Variants in DNAJB5 observed in about 807,000 individuals in gnomAD.
DNAJB5 encodes dnaJ homolog subfamily B member 5.
DNAJB5 carries 12 observed loss-of-function variants against 32.6 expected under a neutral mutation model. The observed-to-expected ratio is 0.37, with a 90% CI of 0.24 to 0.60. The LOEUF is 0.60. Ranked by LOEUF, DNAJB5 falls within the 20% of genes least tolerant of loss-of-function variation. The pLI, the probability that DNAJB5 is intolerant of heterozygous loss-of-function variation, is 0.71. For synonymous variants in DNAJB5, 188 were observed against 212.9 expected (o/e 0.88, Z 1.02); for missense variants, 358 against 554.2 (o/e 0.65, Z 3.55).
Position 34,990,998 on chromosome 9 carries a change from C to T in DNAJB5, c.182+186C>T. The T allele has an allele frequency of 1.6e-6, 1 of 628,192 alleles. No homozygotes were observed. Among genetic ancestry groups the T allele is most frequent in the Non-Finnish European group, 2.7e-6 (1 of 364,332 alleles). The allele number at this position is 628,192 out of a possible 1,614,324, so 38.9% of individuals were successfully genotyped here. A position where few individuals can be genotyped will look rare whatever the true frequency, so the allele number is the denominator to read the frequency against. On this transcript the variant is annotated intron_variant, in intron 2 of 4. Transcript: ENST00000682809. This position sits in a 1 kb window ranked among gnomAD's most constrained non-coding sequence, Gnocchi z 4.5. ...ACCCCTTATCATTCCTTTTCTCAAA[C>T]CCTTCAGGTATCCATTTTCCACAGA...
At position 34,989,846 on chromosome 9, in the gene DNAJB5, C is replaced by G; in HGVS notation, c.-133+15C>G. 8.1e-7 allele frequency: 1 copy of G among 1,235,874 alleles called. No homozygotes were observed. Among genetic ancestry groups the G allele is most frequent in the South Asian group, 3.9e-5 (1 of 25,348 alleles). The allele number at this position is 1,235,874 out of a possible 1,614,324, so 76.6% of individuals were successfully genotyped here. A position where few individuals can be genotyped will look rare whatever the true frequency, so the allele number is the denominator to read the frequency against. ...GCTCCTCACCGGTGAGGGCGCCAAG[C>G]CAGGACTCGGGGGTCCCGGGAGCGG... is the stretch of plus-strand genomic sequence containing the variant. On this transcript the variant is annotated intron_variant, in intron 1 of 4. Transcript: ENST00000682809.
chr9:34,994,050 CA>C (rs1827728077), intron 3 of DNAJB5, among the ~76,000 whole-genome samples: 1 of 152,096 alleles, frequency 6.6e-6, no homozygotes, highest in Non-Finnish European at 1.5e-5. Context: ...GGGTGGGAGG[CA>C]GGAAAGGCCC....
Position 34,993,817 on chromosome 9 carries a change from T to C in DNAJB5, c.427+373T>C, listed in dbSNP as rs1827720685. 6.6e-6 allele frequency among the ~76,000 whole-genome samples: 1 copy of C among 152,156 alleles called. No homozygotes were observed. Among genetic ancestry groups the C allele is most frequent in the African/African-American group, 2.4e-5 (1 of 41,432 alleles). ...TGTGGCTCTCTGAGGACAGAGCATT[T>C]ACATTCATCAGCATAAAAGTCTGGC... On this transcript the variant is annotated intron_variant, in intron 3 of 4. Transcript: ENST00000682809. This position sits in a 1 kb window ranked among gnomAD's most constrained non-coding sequence, Gnocchi z 4.7.
chr9:34,991,619 C>G lies in DNAJB5; in HGVS notation c.182+807C>G, dbSNP rs561119716. ...TTGAGGCAGAAATGGCAGACCACCC[C>G]CCCCCGCTCCCTCTCAGACGGCTTT... On this transcript the variant is annotated intron_variant, in intron 2 of 4. Transcript: ENST00000682809. The G allele has an allele frequency of 3.0e-4, 63 of 213,228 alleles. 1 individual carries two copies. The highest frequency in any genetic ancestry group is 1.0e-3 in the South Asian group (32 of 30,898). 13.2% of individuals were successfully genotyped at this position (213,228 alleles called of 1,614,324 possible).
intron 3 of DNAJB5, among the ~76,000 whole-genome samples, chr9:34,994,274 C>T (rs1827733870): frequency 6.6e-6 from 1 of 152,194 alleles, no homozygotes; most frequent in African/African-American, 2.4e-5. Flanking sequence ...TTCACATTCT[C>T]CTCCTCTTCA....
rs1260883078 is a variant in DNAJB5 at position 34,990,784 on chromosome 9, T to TGGG, written c.156_157insGGG (p.Trp52_Thr53insGly). ...GCTGGAGCCCTTAAAACTTCGAGCG[T>TGGG]GGACGCTGAATGGGTTTGTAAAGTT... On this transcript the variant is annotated inframe_insertion, in exon 2 of 5. Transcript: ENST00000682809. This position sits in a 1 kb window ranked among gnomAD's most constrained non-coding sequence, Gnocchi z 4.5. 1.3e-6 allele frequency: 2 copies of TGGG among 1,551,614 alleles called. No individual in the cohort carries two copies. Among genetic ancestry groups the TGGG allele is most frequent in the Non-Finnish European group, 1.7e-6 (2 of 1,146,948 alleles).
Position 34,996,975 on chromosome 9 carries a change from C to T in DNAJB5, c.1030-51C>T, listed in dbSNP as rs750991189. ...CCCACCTCAGTCTATTTCCTTCCTT[C>T]CCACTCACCTTACCCCACCTTTTCC... On this transcript the variant is annotated intron_variant, in intron 4 of 4. Coordinates refer to ENST00000682809, the MANE Select transcript of DNAJB5 (RefSeq NM_001349723.3). The surrounding 1 kb of genome is among the most constrained non-coding windows in gnomAD (Gnocchi z 7.2). The T allele has an allele frequency of 6.2e-7, 1 of 1,602,468 alleles. No individual in the cohort carries two copies. Among genetic ancestry groups the T allele is most frequent in the East Asian group, 2.2e-5 (1 of 44,792 alleles).
In DNAJB5 at chr9:34,993,198, A is replaced by G; in HGVS notation, c.183-2A>G. ...CAAGTCTTGGCCCTGGGTTTCTTTC[A>G]GAAACAAGGAGACCAGTGCTGGTCC... On this transcript the variant is annotated splice_acceptor_variant, in intron 2 of 4. Coordinates refer to ENST00000682809, the MANE Select transcript of DNAJB5 (RefSeq NM_001349723.3). LOFTEE classifies it high-confidence loss of function. This position sits in a 1 kb window ranked among gnomAD's most constrained non-coding sequence, Gnocchi z 4.7. 6.2e-7 allele frequency: 1 copy of G among 1,606,972 alleles called. No individual in the cohort carries two copies. The highest frequency in any genetic ancestry group is 1.3e-5 in the African/African-American group (1 of 74,166).
At position 34,996,921 on chromosome 9, in the gene DNAJB5, T is replaced by C. The variant is rs376940690; in HGVS notation, c.1029+55T>C. 48 of 1,584,862 alleles carry C rather than the reference T, an allele frequency of 3.0e-5. No homozygotes were observed. The African/African-American group carries it at 4.4e-4, about 15-fold the overall frequency. On this transcript the variant is annotated intron_variant, in intron 4 of 4. Coordinates refer to ENST00000682809, the MANE Select transcript of DNAJB5 (RefSeq NM_001349723.3). This position sits in a 1 kb window ranked among gnomAD's most constrained non-coding sequence, Gnocchi z 7.2. The stretch of plus-strand genomic sequence containing the variant: ...CTGGGGAGATGGTGGGGACATTCCC[T>C]CTCTTCCCGCCAGCTGGCACATTCT...
At chr9:34,991,442 G>A (rs912605674) in intron 2 of DNAJB5, 12 of 455,468 alleles carry the variant, frequency 2.6e-5, no homozygotes, top group Admixed American at 7.1e-5. Context: ...GAAGCTGGCC[G>A]GGTGTGGAGG....
chr9:34,993,190 T>G lies in DNAJB5; in HGVS notation c.183-10T>G. On this transcript the variant is annotated splice_polypyrimidine_tract_variant and intron_variant, in intron 2 of 4. Coordinates refer to ENST00000682809, the MANE Select transcript of DNAJB5 (RefSeq NM_001349723.3). This position sits in a 1 kb window ranked among gnomAD's most constrained non-coding sequence, Gnocchi z 4.7. ...GAAGGCATCAAGTCTTGGCCCTGGG[T>G]TTCTTTCAGAAACAAGGAGACCAGT... 3.1e-6 allele frequency: 5 copies of G among 1,597,722 alleles called. No homozygotes were observed. The highest frequency in any genetic ancestry group is 2.6e-6 in the Non-Finnish European group (3 of 1,172,662).
chr9:34,997,730 G>A lies in DNAJB5; in HGVS notation c.*471G>A, dbSNP rs41274871. Reference sequence around the variant, plus strand: ...CAGGTCCACAGTGTCCAAGGTAATGGCACACATATTCATGCACAAGAAGCA... The same window carrying A: ...CAGGTCCACAGTGTCCAAGGTAATGACACACATATTCATGCACAAGAAGCA... On this transcript the variant is annotated 3_prime_UTR_variant, in exon 5 of 5. Coordinates refer to ENST00000682809, the MANE Select transcript of DNAJB5 (RefSeq NM_001349723.3). The surrounding 1 kb of genome is among the most constrained non-coding windows in gnomAD (Gnocchi z 4.1). 0.048 allele frequency: 14,451 copies of A among 301,004 alleles called. 480 individuals carry two copies. The highest frequency in any genetic ancestry group is 0.07 in the Non-Finnish European group (10,667 of 152,930). 18.6% of individuals were successfully genotyped at this position (301,004 alleles called of 1,614,324 possible).
chr9:34,996,360 G>A lies in DNAJB5; in HGVS notation c.523G>A (p.Gly175Ser), dbSNP rs1827794211. 1 of 1,613,932 alleles carries A rather than the reference G, an allele frequency of 6.2e-7. No individual in the cohort carries two copies. The highest frequency in any genetic ancestry group is 1.3e-5 in the African/African-American group (1 of 74,868). ...DPHATFASFF[G>S]GSNPFDIFFA... ...CCATGCCACCTTTGCCTCCTTCTTT[G>A]GTGGCTCCAACCCCTTCGATATCTT... The change falls in exon 4 of 5, where the codon GGT becomes AGT. Residue 175 changes from glycine to serine, a missense_variant. This residue lies in a region of DNAJB5 where 248 missense variants were observed against 442.6 expected (regional missense o/e 0.56). Transcript: ENST00000682809. This position sits in a 1 kb window ranked among gnomAD's most constrained non-coding sequence, Gnocchi z 7.2.
In DNAJB5 at chr9:34,989,758, G is replaced by A. The variant is rs1827565097; in HGVS notation, c.-206G>A. Reference sequence around the variant, plus strand: ...CAGGCGACTCCTGTCCCGGGTGGAGGCGGCGGAGCCGGAGCCGGGGGAGGG... The same window carrying A: ...CAGGCGACTCCTGTCCCGGGTGGAGACGGCGGAGCCGGAGCCGGGGGAGGG... On this transcript the variant is annotated 5_prime_UTR_variant, in exon 1 of 5. Transcript: ENST00000682809. The A allele has an allele frequency of 4.1e-6, 5 of 1,231,466 alleles. No individual in the cohort carries two copies. The highest frequency in any genetic ancestry group is 5.1e-6 in the Non-Finnish European group (5 of 987,664). The allele number at this position is 1,231,466 out of a possible 1,614,324, so 76.3% of individuals were successfully genotyped here. A position where few individuals can be genotyped will look rare whatever the true frequency, so the allele number is the denominator to read the frequency against.
chr9:34,993,069 G>T lies in DNAJB5; in HGVS notation c.183-131G>T. 2 of 1,446,602 alleles carry T rather than the reference G, an allele frequency of 1.4e-6. No individual in the cohort carries two copies. The highest frequency in any genetic ancestry group is 2.5e-5 in the East Asian group (1 of 40,284). The allele number at this position is 1,446,602 out of a possible 1,614,324, so 89.6% of individuals were successfully genotyped here. On this transcript the variant is annotated intron_variant, in intron 2 of 4. Coordinates refer to ENST00000682809, the MANE Select transcript of DNAJB5 (RefSeq NM_001349723.3). The surrounding 1 kb of genome is among the most constrained non-coding windows in gnomAD (Gnocchi z 4.7). ...AAACCTTTCATTTTACAGATGGGGG[G>T]ACGCAGGCCCACAGAACAGGCATGA...
At chr9:34,991,187 AT>A in intron 2 of DNAJB5, 2 of 414,618 alleles carry the variant, frequency 4.8e-6, no homozygotes, top group Non-Finnish European at 9.6e-6. Flanking sequence ...CCCCCTCGCC[AT>A]TTTCTCCCCA....
At chr9:34,991,677 C>T (rs371306741) in intron 2 of DNAJB5, 4 of 260,984 alleles carry the variant, frequency 1.5e-5, no homozygotes, top group East Asian at 1.1e-4. Context: ...TGCCCCCCCC[C>T]CCAACGAGGT....
rs1407173907 is a variant in DNAJB5, at chr9:34,993,705, G to A, written c.427+261G>A. ...GAAGCAAGAGCCAGAGGCCTTCCCC[G>A]CCCTTCTTTCCTTCCCAGCCTTATT... On this transcript the variant is annotated intron_variant, in intron 3 of 4. Coordinates refer to ENST00000682809, the MANE Select transcript of DNAJB5 (RefSeq NM_001349723.3). The surrounding 1 kb of genome is among the most constrained non-coding windows in gnomAD (Gnocchi z 4.7). Among the ~76,000 whole-genome samples, 4 of 152,092 alleles carry A rather than the reference G, an allele frequency of 2.6e-5. No homozygotes were observed. Among genetic ancestry groups the A allele is most frequent in the East Asian group, 1.9e-4 (1 of 5,196 alleles).
At chr9:34,991,677 C>CCG (rs1554662750) in intron 2 of DNAJB5, 11 of 261,100 alleles carry the variant, frequency 4.2e-5, no homozygotes, top group African/African-American at 1.3e-4. Flanking sequence ...TGCCCCCCCC[C>CCG]CCAACGAGGT....
Sources: gnomAD v4.1 joint callset for allele counts (sites outside exome capture counted in the v4.1 genomes callset) on GRCh38, gnomAD v4.1.1 for gene constraint, gnomAD v4.1.1 regional missense constraint, Gnocchi (gnomAD v3.1) non-coding constraint, MANE v1.5 for transcripts, NCBI Gene and HGNC (gene_info 2026-07-23, HGNC 2026-07-21) for gene names.